SPEF2: variants seen among roughly 807,000 people sequenced by gnomAD.
SPEF2 encodes sperm flagella and cilia-associated protein 2.
A neutral mutation model predicts 224.6 loss-of-function variants in SPEF2; 187 were observed. The ratio of observed to expected loss-of-function variants is 0.83; its 90% CI spans 0.74 to 0.94. The LOEUF (loss-of-function observed/expected upper bound fraction) is 0.94. Ranked by LOEUF, SPEF2 falls within the 40% of genes least tolerant of loss-of-function variation. The probability of loss-of-function intolerance (pLI) is 0.00; values close to 1 mark genes in which losing one functional copy is unlikely to be tolerated. For synonymous variants in SPEF2, 715 were observed against 707.3 expected, an observed-to-expected ratio of 1.01 and a Z score of -0.17; for missense variants, 2,170 against 2,135.6, an observed-to-expected ratio of 1.02 and a Z score of -0.32.
Position 35,628,893 on chromosome 5 carries a change from A to G in SPEF2, c.161+331A>G, listed in dbSNP as rs77411761. ...ATGTGTGCACCCCCGCTTCTGGACTACTCTTTACTTTTAAGAAAAGTTCAT... is the reference window on the plus strand; with the variant it reads ...ATGTGTGCACCCCCGCTTCTGGACTGCTCTTTACTTTTAAGAAAAGTTCAT... On this transcript the variant is annotated intron_variant, in intron 2 of 36. Transcript: ENST00000356031. Among the ~76,000 whole-genome samples, 1,432 of 151,922 alleles carry G rather than the reference A, an allele frequency of 9.4e-3. 26 individuals carry two copies. The highest frequency in any genetic ancestry group is 0.033 in the African/African-American group (1,383 of 41,442).
intron 20 of SPEF2, among the ~76,000 whole-genome samples, chr5:35,713,315 A>C (rs1467149583): frequency 2.6e-5 from 4 of 152,190 alleles, no homozygotes; most frequent in Non-Finnish European, 4.4e-5. Context: ...GAGCCTTGGT[A>C]CAATACTGTT....
chr5:35,786,555 G>A (rs1476465770), intron 30 of SPEF2, among the ~76,000 whole-genome samples: 2 of 152,106 alleles, frequency 1.3e-5, no homozygotes, highest in Admixed American at 6.5e-5. Flanking sequence ...AACTACTCAA[G>A]AGGCTGAGAC....
Position 35,618,026 on chromosome 5 carries a change from A to G in SPEF2, c.29A>G (p.Asn10Ser). Residue 10 changes from asparagine (N) to serine (S), a missense_variant, in exon 1 of 37, where the codon AAC becomes AGC. By Grantham distance (46) the Asn-to-Ser change is conservative (BLOSUM62 1). Coordinates refer to ENST00000356031, the MANE Select transcript of SPEF2 (RefSeq NM_024867.4). MSEILCQWL[N>S]KELKVSRTVS... ...TCGGAGATCCTGTGCCAGTGGCTCAACAAGGAGTTGAAGGTGTCCCGGACC... is the reference window on the plus strand; with the variant it reads ...TCGGAGATCCTGTGCCAGTGGCTCAGCAAGGAGTTGAAGGTGTCCCGGACC... The G allele has an allele frequency of 6.3e-7, 1 of 1,587,894 alleles. No homozygotes were observed. Among genetic ancestry groups the G allele is most frequent in the South Asian group, 1.1e-5 (1 of 87,676 alleles).
At chr5:35,758,211 A>G (rs892950780) in intron 24 of SPEF2, among the ~76,000 whole-genome samples, 2 of 152,080 alleles carry the variant, frequency 1.3e-5, no homozygotes, top group South Asian at 2.1e-4. Context: ...CATTAGGTCA[A>G]TTTTGTTTTT....
At chr5:35,760,554 A>G (rs995307912) in intron 25 of SPEF2, among the ~76,000 whole-genome samples, 1 of 152,160 alleles carries the variant, frequency 6.6e-6, no homozygotes, top group African/African-American at 2.4e-5. Context: ...TGACTGAAAG[A>G]CCTATTAATA....
intron 23 of SPEF2, among the ~76,000 whole-genome samples, chr5:35,750,979 T>A (rs1161729932): frequency 9.3e-5 from 6 of 64,676 alleles, no homozygotes; most frequent in Non-Finnish European, 2.1e-4. Context: ...ATAAAGAAAC[T>A]GTGCTATATA....
chr5:35,722,424 G>GGATGAAAA (rs1243277793), intron 20 of SPEF2, among the ~76,000 whole-genome samples: 1 of 151,558 alleles, frequency 6.6e-6, no homozygotes, highest in African/African-American at 2.4e-5. Flanking sequence ...AGAAGTCCAA[G>GGATGAAAA]GATGAAAAGT....
In SPEF2 at chr5:35,713,731, C is replaced by CAA. The variant is rs1234889937; in HGVS notation, c.2914+848_2914+849dup. ...CCAGCCTGGGTGACAGACTCTGTCT[C>CAA]AAAATATATATATATATTTTATATA... On this transcript the variant is annotated intron_variant, in intron 20 of 36. Transcript: ENST00000356031. Among the ~76,000 whole-genome samples the CAA allele has an allele frequency of 5.9e-4, 27 of 45,818 alleles. 1 individual carries two copies. Among genetic ancestry groups the CAA allele is most frequent in the Non-Finnish European group, 1.2e-3 (24 of 19,672 alleles). The allele number at this position is 45,818 out of a possible 152,430, so 30.1% of individuals were successfully genotyped here. A position where few individuals can be genotyped will look rare whatever the true frequency, so the allele number is the denominator to read the frequency against.
At chr5:35,791,002 A>G (rs1444014360) in intron 30 of SPEF2, 1 of 152,204 alleles carries the variant, frequency 6.6e-6, no homozygotes, top group Non-Finnish European at 1.5e-5. Context: ...CGTATCCATT[A>G]GAGATTGTGG....
chr5:35,755,024 T>C (rs1750229367), intron 24 of SPEF2, among the ~76,000 whole-genome samples: 1 of 152,178 alleles, frequency 6.6e-6, no homozygotes, highest in South Asian at 2.1e-4. Flanking sequence ...GTCTGAAATA[T>C]CAGCAGAAAT....
At chr5:35,712,287 G>T (rs998177571) in intron 19 of SPEF2, among the ~76,000 whole-genome samples, 3 of 151,374 alleles carry the variant, frequency 2.0e-5, no homozygotes, top group African/African-American at 7.3e-5. Context: ...TAGAGACAGG[G>T]TCTCACTATG....
intron 10 of SPEF2, chr5:35,671,244 G>A (rs909859962): frequency 2.0e-6 from 2 of 982,980 alleles, no homozygotes; most frequent in African/African-American, 3.5e-5. Context: ...AATGAACAAA[G>A]AAAAGTGCAA....
chr5:35,756,825 C>T (rs1003612759), intron 24 of SPEF2, among the ~76,000 whole-genome samples: 16 of 152,180 alleles, frequency 1.1e-4, no homozygotes, highest in Non-Finnish European at 2.1e-4. Flanking sequence ...CATATTTAGA[C>T]ATCGAGATGC....
Position 35,736,853 on chromosome 5 carries a change from T to C in SPEF2, c.3064-3066T>C, listed in dbSNP as rs1175987673. Among the ~76,000 whole-genome samples the C allele has an allele frequency of 2.0e-5, 3 of 152,114 alleles. No homozygotes were observed. The East Asian group carries it at 5.8e-4, about 29-fold the overall frequency. ...AGCAAACTTTCTCAAAATACTCTCA[T>C]AATAAGCAGATGTTATTTTTCTTTG... On this transcript the variant is annotated intron_variant, in intron 21 of 36. Coordinates refer to ENST00000356031, the MANE Select transcript of SPEF2 (RefSeq NM_024867.4).
In SPEF2 at chr5:35,806,008, C is replaced by T. The variant is rs1494574; in HGVS notation, c.5011-699C>T. The stretch of plus-strand genomic sequence containing the variant: ...CACTGAATGAACAGCCATATACAAA[C>T]GTATTTGGGCAAATGAATATTTCTT... On this transcript the variant is annotated intron_variant, in intron 34 of 36. Transcript: ENST00000356031. 1.9e-3 allele frequency among the ~76,000 whole-genome samples: 288 copies of T among 152,030 alleles called. 10 individuals are homozygous for T. The East Asian group carries it at 0.043, about 23-fold the overall frequency.
chr5:35,751,303 T>G (rs1749606691), intron 23 of SPEF2, among the ~76,000 whole-genome samples: 1 of 139,872 alleles, frequency 7.1e-6, no homozygotes, highest in East Asian at 2.3e-4. Flanking sequence ...CAATGGACTT[T>G]GGGGACTTGG....
chr5:35,654,827 C>A, intron 7 of SPEF2, 101 bp downstream of exon 7: 1 of 998,152 alleles, frequency 1.0e-6, no homozygotes, highest in Non-Finnish European at 1.4e-6. Context: ...TTGTCTGCTA[C>A]TCTGCATCAA....
intron 16 of SPEF2, 39 bp downstream of exon 16, chr5:35,700,791 A>G (rs749178203): frequency 1.4e-5 from 23 of 1,601,498 alleles, no homozygotes; most frequent in Non-Finnish European, 1.9e-5. Flanking sequence ...TTTTACAATG[A>G]AAACTCTTTG....
At chr5:35,768,814 T>C (rs1423066663) in intron 26 of SPEF2, among the ~76,000 whole-genome samples, 1 of 152,106 alleles carries the variant, frequency 6.6e-6, no homozygotes, top group Non-Finnish European at 1.5e-5. Context: ...ATTCACTAAA[T>C]TGTTGTGGGG....
Sources: allele counts gnomAD v4.1 joint callset (sites outside exome capture counted in the v4.1 genomes callset), GRCh38; gene constraint gnomAD v4.1.1; transcripts MANE v1.5; gene names NCBI Gene and HGNC (gene_info 2026-07-23, HGNC 2026-07-21).